The following ROBO2 variants were observed in gnomAD, a reference collection of about 807,000 sequenced individuals.
ROBO2 encodes roundabout guidance receptor 2.
A neutral mutation model predicts 160.8 loss-of-function variants in ROBO2; 53 were observed. That is an observed-to-expected ratio of 0.33 (90% CI 0.26 to 0.41). The LOEUF is 0.41. Among genes scored for constraint, ROBO2 ranks in the 10% least tolerant of loss-of-function variants. The pLI is 1.00. For synonymous variants in ROBO2, 664 were observed against 611.7 expected, an observed-to-expected ratio of 1.09 and a Z score of -1.26; for missense variants, 1,577 against 1,722.4, an observed-to-expected ratio of 0.92 and a Z score of 1.49.
At chr3:77,044,518 T>C (rs2064435834) in intron 1 of ROBO2, among the ~76,000 whole-genome samples, 1 of 152,194 alleles carries the variant, frequency 6.6e-6, no homozygotes, top group South Asian at 2.1e-4. Context: ...TCATTCATCG[T>C]CTCTTTCCTT....
intron 23 of ROBO2, chr3:77,633,054 A>G (rs2095198503): frequency 6.4e-6 from 1 of 155,836 alleles, no homozygotes; most frequent in Non-Finnish European, 1.4e-5. Flanking sequence ...CCTTTGCCTC[A>G]TCTCTTTCTG....
intron 2 of ROBO2, among the ~76,000 whole-genome samples, chr3:77,126,356 T>C (rs1579201140): frequency 1.3e-5 from 2 of 152,334 alleles, no homozygotes; most frequent in African/African-American, 4.8e-5. Flanking sequence ...AGTAATCATC[T>C]GTTTGATCCA....
intron 2 of ROBO2, among the ~76,000 whole-genome samples, chr3:76,357,141 A>G (rs767604932): frequency 1.1e-4 from 16 of 152,052 alleles, no homozygotes; most frequent in East Asian, 1.9e-4. Flanking sequence ...TTAAAATACC[A>G]TGGAATACTA....
intron 2 of ROBO2, among the ~76,000 whole-genome samples, chr3:77,420,978 T>G (rs181489163): frequency 2.0e-5 from 3 of 152,258 alleles, no homozygotes; most frequent in Admixed American, 2.0e-4. Context: ...AACTCACCCC[T>G]TCTTCCAGCT....
chr3:76,617,636 T>G (rs999984111), intron 2 of ROBO2, among the ~76,000 whole-genome samples: 2 of 151,858 alleles, frequency 1.3e-5, no homozygotes, highest in Admixed American at 6.6e-5. Flanking sequence ...AGCTAGAGAG[T>G]TTTTTTGGTG....
intron 2 of ROBO2, among the ~76,000 whole-genome samples, chr3:76,905,539 C>T (rs2075544351): frequency 6.6e-6 from 1 of 151,954 alleles, no homozygotes; most frequent in Non-Finnish European, 1.5e-5. Flanking sequence ...GAGTCAATAC[C>T]AAGCTAGATA....
chr3:77,627,251 TTTCC>T (rs2095047680), intron 23 of ROBO2, among the ~76,000 whole-genome samples: 5 of 152,134 alleles, frequency 3.3e-5, no homozygotes, highest in African/African-American at 1.2e-4. Flanking sequence ...CTTATTTTGC[TTTCC>T]ATATATATTA....
At chr3:77,379,879 CGA>C (rs771296733) in intron 2 of ROBO2, among the ~76,000 whole-genome samples, 37 of 152,254 alleles carry the variant, frequency 2.4e-4, no homozygotes, top group Non-Finnish European at 4.7e-4. Flanking sequence ...CTAGTTCCCC[CGA>C]GAGAGTCTCA....
intron 2 of ROBO2, among the ~76,000 whole-genome samples, chr3:76,821,905 A>G (rs775637966): frequency 6.6e-6 from 1 of 152,032 alleles, no homozygotes; most frequent in Non-Finnish European, 1.5e-5. Context: ...AGCCTCTTCA[A>G]CAGCCCTGTC....
chr3:76,651,942 C>T (rs1459211838), intron 2 of ROBO2, among the ~76,000 whole-genome samples: 2 of 152,098 alleles, frequency 1.3e-5, no homozygotes, highest in South Asian at 2.1e-4. Flanking sequence ...TTGCTAGGTC[C>T]AGCCTTTTCT....
intron 2 of ROBO2, among the ~76,000 whole-genome samples, chr3:76,519,726 A>C (rs1416703738): frequency 6.6e-6 from 1 of 150,764 alleles, no homozygotes; most frequent in Non-Finnish European, 1.5e-5. Context: ...CAAAAATAGA[A>C]ATAGAGAGGG....
chr3:76,914,566 A>G (rs930281324), intron 2 of ROBO2, among the ~76,000 whole-genome samples: 1 of 152,122 alleles, frequency 6.6e-6, no homozygotes, highest in Non-Finnish European at 1.5e-5. Flanking sequence ...TCTTGTTGCC[A>G]AGAAAATCTG....
chr3:77,537,613 T>C (rs1438699131), intron 6 of ROBO2, among the ~76,000 whole-genome samples: 1 of 152,172 alleles, frequency 6.6e-6, no homozygotes, highest in Admixed American at 6.5e-5. Context: ...TACATATATA[T>C]GCTTATTGTT....
chr3:76,194,765 G>T (rs772937254), intron 2 of ROBO2, among the ~76,000 whole-genome samples: 1 of 151,792 alleles, frequency 6.6e-6, no homozygotes, highest in Admixed American at 6.6e-5. Context: ...GACTACAGGC[G>T]CCCGCCACCA....
intron 2 of ROBO2, among the ~76,000 whole-genome samples, chr3:76,888,453 T>G (rs1036108446): frequency 1.3e-5 from 2 of 152,080 alleles, no homozygotes; most frequent in African/African-American, 4.8e-5. Flanking sequence ...TTTTTCCAAC[T>G]TGCTTACTAT....
intron 2 of ROBO2, among the ~76,000 whole-genome samples, chr3:75,943,935 A>C (rs933823040): frequency 6.6e-6 from 1 of 152,140 alleles, no homozygotes; most frequent in Non-Finnish European, 1.5e-5. Flanking sequence ...TCCTGACTTC[A>C]GGTGATCCGC....
At chr3:76,026,751 A>G (rs1439953636) in intron 2 of ROBO2, among the ~76,000 whole-genome samples, 3 of 151,994 alleles carry the variant, frequency 2.0e-5, no homozygotes, top group Admixed American at 6.6e-5. Context: ...ACAGAACTAT[A>G]CAAAATGTGA....
At chr3:76,523,829 A>G (rs1328853232) in intron 2 of ROBO2, among the ~76,000 whole-genome samples, 1 of 152,110 alleles carries the variant, frequency 6.6e-6, no homozygotes, top group Non-Finnish European at 1.5e-5. Flanking sequence ...AAAATATAAG[A>G]TGAATGATTG....
At chr3:77,568,327 G>A (rs1251024323) in exon 13 of ROBO2, 2 of 1,612,722 alleles carry the variant, frequency 1.2e-6, no homozygotes, top group African/African-American at 1.3e-5. Context: ...CAGCCCACCA[G>A]CACAAGGAGT....
Sources: gnomAD v4.1 joint callset for allele counts (sites outside exome capture counted in the v4.1 genomes callset) on GRCh38, gnomAD v4.1.1 for gene constraint, MANE v1.5 for transcripts, NCBI Gene and HGNC (gene_info 2026-07-23, HGNC 2026-07-21) for gene names.